The following ALG14 variants were observed in gnomAD, a reference collection of about 807,000 sequenced individuals.
ALG14 encodes the protein ALG14 UDP-N-acetylglucosaminyltransferase subunit, also known as UDP-N-acetylglucosamine transferase subunit ALG14.
In ALG14, 17 loss-of-function variants were observed where a neutral mutation model predicts 22.8. That is an observed-to-expected ratio of 0.75 (90% confidence interval 0.51 to 1.12). The LOEUF (loss-of-function observed/expected upper bound fraction) is 1.12. ALG14 is among the 50% of genes most tolerant of loss of function. ALG14 has a pLI of 0.00. For synonymous variants in ALG14, 89 were observed against 103.7 expected (o/e 0.86, Z 0.86); for missense variants, 288 against 271.8 (o/e 1.06, Z -0.42).
At position 94,974,684 on chromosome 1, in the gene ALG14, A is replaced by T. The variant is rs72964538; in HGVS notation, c.*8392T>A. 6.6e-6 allele frequency: 1 copy of T among 152,186 alleles called. No homozygotes were observed. Among genetic ancestry groups the T allele is most frequent in the Non-Finnish European group, 1.5e-5 (1 of 68,038 alleles). The allele number at this position is 152,186 out of a possible 1,614,324, so 9.4% of individuals were successfully genotyped here. A position where few individuals can be genotyped will look rare whatever the true frequency, so the allele number is the denominator to read the frequency against. On this transcript the variant is annotated 3_prime_UTR_variant, in exon 4 of 4. Coordinates refer to ENST00000370205, the MANE Select transcript of ALG14 (RefSeq NM_144988.4). ...TTTTAATATTAAGCGAAAGTACCCA[A>T]GCTTTGGAGAAACTGTCTCCTTCTG...
chr1:94,976,844 T>C lies in ALG14; in HGVS notation c.*6232A>G, dbSNP rs796370866. ...CATTAACATGGCAAAAGGGACGTAA[T>C]TATGATCCTAATCAGTTGACCTTGA... On this transcript the variant is annotated 3_prime_UTR_variant, in exon 4 of 4. Coordinates refer to ENST00000370205, the MANE Select transcript of ALG14 (RefSeq NM_144988.4). The C allele has an allele frequency of 1.3e-5, 2 of 152,336 alleles. No individual in the cohort carries two copies. Among genetic ancestry groups the C allele is most frequent in the African/African-American group, 4.8e-5 (2 of 41,584 alleles). 9.4% of individuals were successfully genotyped at this position (152,336 alleles called of 1,614,324 possible). A position where few individuals can be genotyped will look rare whatever the true frequency, so the allele number is the denominator to read the frequency against.
Position 94,980,175 on chromosome 1 carries a change from T to C in ALG14, c.*2901A>G, listed in dbSNP as rs1672471324. 6.6e-6 allele frequency: 1 copy of C among 152,164 alleles called. No individual in the cohort carries two copies. The highest frequency in any genetic ancestry group is 6.5e-5 in the Admixed American group (1 of 15,280). 9.4% of individuals were successfully genotyped at this position (152,164 alleles called of 1,614,324 possible). ...AGAATGATGTGTTCCAAGTTGCTTT[T>C]ATAAGGGGAAGCTTGGGTCATCTCC... On this transcript the variant is annotated 3_prime_UTR_variant, in exon 4 of 4. Transcript: ENST00000370205.
At chr1:95,068,479 G>A (rs899732266) in intron 1 of ALG14, among the ~76,000 whole-genome samples, 1 of 152,012 alleles carries the variant, frequency 6.6e-6, no homozygotes, top group African/African-American at 2.4e-5. Flanking sequence ...TAGTAGAGAT[G>A]GGGTTTTGCC....
chr1:94,989,004 A>T (rs1270477206), intron 3 of ALG14, among the ~76,000 whole-genome samples: 1 of 152,160 alleles, frequency 6.6e-6, no homozygotes, highest in Non-Finnish European at 1.5e-5. Context: ...ATATTAGTAA[A>T]GTTAGTTATA....
At chr1:95,044,334 A>C (rs958229997) in intron 2 of ALG14, among the ~76,000 whole-genome samples, 1 of 152,156 alleles carries the variant, frequency 6.6e-6, no homozygotes, top group Non-Finnish European at 1.5e-5. Flanking sequence ...TCACTCCTCC[A>C]AGCAAAACTT....
At chr1:95,064,701 T>C (rs935834790) in intron 2 of ALG14, among the ~76,000 whole-genome samples, 165 bp downstream of exon 2, 2 of 152,236 alleles carry the variant, frequency 1.3e-5, no homozygotes, top group Non-Finnish European at 1.5e-5. Flanking sequence ...ATTTATTTTA[T>C]AGAAATTCAT....
chr1:95,050,307 T>C (rs867719867), intron 2 of ALG14, among the ~76,000 whole-genome samples: 4 of 152,150 alleles, frequency 2.6e-5, no homozygotes, highest in African/African-American at 7.2e-5. Context: ...GTGTTTTCTA[T>C]AGCCAGGAAA....
In ALG14 at chr1:94,982,699, C is replaced by CAAAAAAAAAAAAAA. The variant is rs368855559; in HGVS notation, c.*363_*376dup. On this transcript the variant is annotated 3_prime_UTR_variant, in exon 4 of 4. Coordinates refer to ENST00000370205, the MANE Select transcript of ALG14 (RefSeq NM_144988.4). ...TTCTTTTACAATGCAGAATACTTTA[C>CAAAAAAAAAAAAAA]AAAAAAAAAAAAAAAAAAAAAAAGC... The CAAAAAAAAAAAAAA allele has an allele frequency of 1.5e-4, 12 of 79,446 alleles. 1 individual carries two copies. Among genetic ancestry groups the CAAAAAAAAAAAAAA allele is most frequent in the East Asian group, 5.0e-4 (1 of 1,986 alleles). The allele number at this position is 79,446 out of a possible 1,614,324, so 4.9% of individuals were successfully genotyped here.
chr1:95,072,768 C>G lies in ALG14; in HGVS notation c.131G>C (p.Gly44Ala). ...RESLSILVVA[G>A]SGGHTTEILR... ...GTCGCCTCCTCGATACTTACCGGAC[C>G]CAGCCACTACCAAGATACTGAGAGA... The change falls in exon 1 of 4, where the codon GGG (glycine) becomes GCG (alanine). Residue 44 changes from glycine to alanine, a missense_variant. Physicochemically the swap from Gly to Ala is moderately conservative, Grantham distance 60 (BLOSUM62 0). Transcript: ENST00000370205. The G allele has an allele frequency of 6.2e-7, 1 of 1,614,064 alleles. No homozygotes were observed. The highest frequency in any genetic ancestry group is 8.5e-7 in the Non-Finnish European group (1 of 1,180,006).
At chr1:95,054,815 T>C (rs1376735257) in intron 2 of ALG14, among the ~76,000 whole-genome samples, 2 of 152,328 alleles carry the variant, frequency 1.3e-5, no homozygotes, top group East Asian at 3.9e-4. Context: ...CACAGCTCAT[T>C]TGATGAGAGT....
chr1:95,025,939 C>CT (rs879490868), intron 3 of ALG14, among the ~76,000 whole-genome samples: 24 of 147,924 alleles, frequency 1.6e-4, no homozygotes, highest in East Asian at 5.9e-4. Context: ...AGGAGTAGCA[C>CT]TTTTTTTTTT....
chr1:95,028,731 A>T (rs1178612699), intron 2 of ALG14, among the ~76,000 whole-genome samples: 2 of 152,094 alleles, frequency 1.3e-5, no homozygotes, highest in African/African-American at 4.8e-5. Flanking sequence ...CCTTGGAGGC[A>T]GAGTTTGCAA....
chr1:95,012,813 T>C (rs898117860), intron 3 of ALG14, among the ~76,000 whole-genome samples: 4 of 152,134 alleles, frequency 2.6e-5, no homozygotes, highest in Non-Finnish European at 5.9e-5. Flanking sequence ...ACCAGTCAAG[T>C]CTTTCTTGTA....
chr1:95,029,837 G>A (rs1223105658), intron 2 of ALG14, among the ~76,000 whole-genome samples: 1 of 152,190 alleles, frequency 6.6e-6, no homozygotes, highest in Non-Finnish European at 1.5e-5. Context: ...TACCAGTGTA[G>A]AATGGGAGAC....
chr1:94,980,135 G>A lies in ALG14; in HGVS notation c.*2941C>T, dbSNP rs1439775335. 1 of 151,854 alleles carries A rather than the reference G, an allele frequency of 6.6e-6. No homozygotes were observed. The highest frequency in any genetic ancestry group is 2.4e-5 in the African/African-American group (1 of 41,342). The allele number at this position is 151,854 out of a possible 1,614,324, so 9.4% of individuals were successfully genotyped here. The stretch of plus-strand genomic sequence containing the variant: ...ACGTTTCTCAATTTTAACTTACCAT[G>A]TATCTTTGAAAGGTAGAATGATGTG... On this transcript the variant is annotated 3_prime_UTR_variant, in exon 4 of 4. Coordinates refer to ENST00000370205, the MANE Select transcript of ALG14 (RefSeq NM_144988.4).
chr1:95,037,495 G>A (rs1225823519), intron 2 of ALG14, among the ~76,000 whole-genome samples: 1 of 152,190 alleles, frequency 6.6e-6, no homozygotes, highest in Non-Finnish European at 1.5e-5. Flanking sequence ...TAATGAGAGA[G>A]CTTGGAGCTG....
chr1:95,007,551 G>A (rs1347086446), intron 3 of ALG14, among the ~76,000 whole-genome samples: 4 of 152,194 alleles, frequency 2.6e-5, no homozygotes, highest in African/African-American at 4.8e-5. Flanking sequence ...GTTCCATCAA[G>A]GCCCCTGATT....
intron 1 of ALG14, among the ~76,000 whole-genome samples, chr1:95,070,221 A>G (rs1675515846): frequency 6.6e-6 from 1 of 152,206 alleles, no homozygotes; most frequent in South Asian, 2.1e-4. Context: ...TTAGCATTAA[A>G]TTATACCCTT....
intron 2 of ALG14, among the ~76,000 whole-genome samples, chr1:95,052,980 A>G (rs1346519719): frequency 6.6e-6 from 1 of 152,194 alleles, no homozygotes; most frequent in African/African-American, 2.4e-5. Flanking sequence ...CAAGGAGGAA[A>G]AACAAAAAGA....
Sources: allele counts gnomAD v4.1 joint callset (sites outside exome capture counted in the v4.1 genomes callset), GRCh38; gene constraint gnomAD v4.1.1; transcripts MANE v1.5; gene names NCBI Gene and HGNC (gene_info 2026-07-23, HGNC 2026-07-21).